The following RGS12 variants were observed in gnomAD, a reference collection of about 807,000 sequenced individuals.
RGS12 encodes regulator of G protein signaling 12.
A neutral mutation model predicts 120.1 loss-of-function variants in RGS12; 66 were observed. The observed-to-expected ratio is 0.55, with a 90% CI of 0.45 to 0.67. The LOEUF (loss-of-function observed/expected upper bound fraction) is 0.67. Among genes scored for constraint, RGS12 ranks in the 30% least tolerant of loss-of-function variants. The pLI is 0.00. For missense variants in RGS12, 1,859 were observed against 1,957.7 expected (o/e 0.95, Z 0.95); for synonymous variants, 827 against 804.7 (o/e 1.03, Z -0.47).
intron 15 of RGS12, 93 bp from the exon 16 acceptor site, chr4:3,428,465 C>A: frequency 9.0e-7 from 1 of 1,114,884 alleles, no homozygotes; most frequent in Non-Finnish European, 1.3e-6. Flanking sequence ...TCAATGCAAT[C>A]TATTTCATAG....
At chr4:3,381,453 A>G (rs1346674900) in intron 3 of RGS12, among the ~76,000 whole-genome samples, 2 of 152,206 alleles carry the variant, frequency 1.3e-5, no homozygotes, top group African/African-American at 4.8e-5. Context: ...AATACCTGGG[A>G]CTGGGTAATT....
chr4:3,432,046 C>T lies in RGS12; in HGVS notation c.4114+1091C>T, dbSNP rs552497490. On this transcript the variant is annotated intron_variant, in intron 17 of 17. Transcript: ENST00000336727. The stretch of plus-strand genomic sequence containing the variant: ...AGCCTGAGGTGCCTGGCATGCCCAC[C>T]GGTGCCACTCTGCAGCCTCCACCCC... 293 of 985,358 alleles carry T rather than the reference C, an allele frequency of 3.0e-4. 1 individual carries two copies. The highest frequency in any genetic ancestry group is 5.2e-4 in the Middle Eastern group (1 of 1,916). The allele number at this position is 985,358 out of a possible 1,614,324, so 61.0% of individuals were successfully genotyped here. A position where few individuals can be genotyped will look rare whatever the true frequency, so the allele number is the denominator to read the frequency against.
intron 1 of RGS12, 30 bp from the exon 2 acceptor site, chr4:3,316,040 A>T (rs753718246): frequency 3.1e-5 from 26 of 846,258 alleles, no homozygotes; most frequent in Non-Finnish European, 4.7e-5. Context: ...TGGGCTCTTT[A>T]ATAATGAGCT....
chr4:3,420,728 T>C lies in RGS12; in HGVS notation c.2838+10T>C, dbSNP rs1417572876. On this transcript the variant is annotated intron_variant, in intron 10 of 17. Transcript: ENST00000336727. ...GGGGAGCCTGGACCTGGTGAGTCAC[T>C]GTCTCCCCTCGTCCCACAGGCCTCA... The C allele has an allele frequency of 3.7e-6, 6 of 1,609,940 alleles. No individual in the cohort carries two copies. Among genetic ancestry groups the C allele is most frequent in the Non-Finnish European group, 5.1e-6 (6 of 1,179,140 alleles).
At chr4:3,363,156 C>T (rs761738265) in intron 3 of RGS12, among the ~76,000 whole-genome samples, 4 of 130,228 alleles carry the variant, frequency 3.1e-5, no homozygotes, top group Non-Finnish European at 6.6e-5. Flanking sequence ...TGCGCGAGGG[C>T]GTGTGTGTGA....
intron 12 of RGS12, among the ~76,000 whole-genome samples, chr4:3,423,305 C>A (rs1050635870): frequency 6.6e-6 from 1 of 152,228 alleles, no homozygotes; most frequent in Non-Finnish European, 1.5e-5. Flanking sequence ...GTGCAGGACA[C>A]TGCTATCCCT....
At chr4:3,307,099 G>C (rs143055638) in intron 1 of RGS12, among the ~76,000 whole-genome samples, 5 of 152,194 alleles carry the variant, frequency 3.3e-5, no homozygotes, top group Non-Finnish European at 7.3e-5. Context: ...TGAGCCCATC[G>C]TTCACACCTC....
chr4:3,295,083 A>G (rs572615310), intron 1 of RGS12, among the ~76,000 whole-genome samples: 77 of 152,036 alleles, frequency 5.1e-4, no homozygotes, highest in Non-Finnish European at 9.7e-4. Context: ...GTCTCGGGGA[A>G]GAAGGGGTGG....
chr4:3,431,945 G>C (rs1335567349), intron 17 of RGS12: 4 of 985,446 alleles, frequency 4.1e-6, no homozygotes, highest in East Asian at 2.3e-4. Context: ...GTACATATCT[G>C]GGCCTTTGGA....
chr4:3,382,204 A>AT (rs1342397232), intron 3 of RGS12, among the ~76,000 whole-genome samples: 1 of 152,096 alleles, frequency 6.6e-6, no homozygotes, highest in Non-Finnish European at 1.5e-5. Flanking sequence ...ATTTTGCATT[A>AT]TTTTTTCCAC....
At chr4:3,351,419 C>T (rs949125742) in intron 3 of RGS12, among the ~76,000 whole-genome samples, 2 of 151,760 alleles carry the variant, frequency 1.3e-5, no homozygotes, top group Admixed American at 1.3e-4. Flanking sequence ...TTTAGAATAT[C>T]GATTTTTCAA....
the RGS12 span, among the ~76,000 whole-genome samples, chr4:3,286,230 G>A: frequency 2.0e-5 from 3 of 152,314 alleles, no homozygotes; most frequent in East Asian, 1.9e-4. Context: ...GAGGCCACTC[G>A]GCCACCCTAA....
chr4:3,397,499 T>C (rs552501542), intron 4 of RGS12, among the ~76,000 whole-genome samples: 13 of 152,296 alleles, frequency 8.5e-5, no homozygotes, highest in African/African-American at 2.4e-4. Flanking sequence ...TGTGTGCACA[T>C]GTCCATGGGA....
intron 1 of RGS12, among the ~76,000 whole-genome samples, chr4:3,302,664 T>C (rs1723748719): frequency 1.3e-5 from 2 of 152,266 alleles, no homozygotes; most frequent in Admixed American, 1.3e-4. Context: ...GGGTGACGTC[T>C]CTGTGCATGA....
At position 3,316,646 on chromosome 4, in the gene RGS12, G is replaced by A; in HGVS notation, c.476G>A (p.Ser159Asn). The change falls in exon 2 of 18, where the codon AGC becomes AAC. Residue 159 changes from serine (S) to asparagine (N), a missense_variant. Coordinates refer to ENST00000336727, the MANE Select transcript of RGS12 (RefSeq NM_001394154.1). ...TTTGAAAACCCGAGCCTTTGTGCGA[G>A]CAATTCAGAGCCCTTGAAATTGAAA... The part of the protein sequence containing the change: ...MIFENPSLCA[S>N]NSEPLKLKQR... The A allele has an allele frequency of 6.2e-7, 1 of 1,614,118 alleles. No individual in the cohort carries two copies. Among genetic ancestry groups the A allele is most frequent in the South Asian group, 1.1e-5 (1 of 91,064 alleles).
intron 16 of RGS12, among the ~76,000 whole-genome samples, chr4:3,429,743 G>A (rs1356031969): frequency 6.6e-6 from 1 of 152,216 alleles, no homozygotes; most frequent in Non-Finnish European, 1.5e-5. Flanking sequence ...GCAGTGGGAG[G>A]CCCAGGGGCA....
At chr4:3,363,941 C>A (rs1716012163) in intron 3 of RGS12, among the ~76,000 whole-genome samples, 1 of 152,124 alleles carries the variant, frequency 6.6e-6, no homozygotes, top group South Asian at 2.1e-4. Context: ...CACAGGCCCC[C>A]CAGGCTTGCA....
In RGS12 at chr4:3,427,684, C is replaced by T. The variant is rs543661927; in HGVS notation, c.3332-406C>T. 4.6e-3 allele frequency among the ~76,000 whole-genome samples: 699 copies of T among 151,970 alleles called. 2 individuals are homozygous for T. Among genetic ancestry groups the T allele is most frequent in the Non-Finnish European group, 7.7e-3 (526 of 67,932 alleles). On this transcript the variant is annotated intron_variant, in intron 14 of 17. Coordinates refer to ENST00000336727, the MANE Select transcript of RGS12 (RefSeq NM_001394154.1). Reference sequence around the variant, plus strand: ...CCAGGATGCGGGGGTTGCAGTGAGCCGAGATCGTGCCACTGCACTCCAGCC... The same window carrying T: ...CCAGGATGCGGGGGTTGCAGTGAGCTGAGATCGTGCCACTGCACTCCAGCC...
At chr4:3,412,795 G>A (rs1253669908) in intron 4 of RGS12, among the ~76,000 whole-genome samples, 1 of 152,254 alleles carries the variant, frequency 6.6e-6, no homozygotes, top group Non-Finnish European at 1.5e-5. Context: ...AGCAGGGCAT[G>A]GCTCAGCTGC....
Sources: allele counts gnomAD v4.1 joint callset (sites outside exome capture counted in the v4.1 genomes callset), GRCh38; gene constraint gnomAD v4.1.1; transcripts MANE v1.5; gene names NCBI Gene and HGNC (gene_info 2026-07-23, HGNC 2026-07-21).